The following ARID4B variants were observed in gnomAD, a reference collection of about 807,000 sequenced individuals.
The protein encoded by ARID4B is AT-rich interaction domain 4B.
Under a neutral mutation model 147.5 loss-of-function variants are expected in ARID4B, and 26 were observed. The ratio of observed to expected loss-of-function variants is 0.18; its 90% CI spans 0.13 to 0.24. The LOEUF is 0.24. Among genes scored for constraint, ARID4B ranks in the 10% least tolerant of loss-of-function variants. ARID4B has a pLI of 1.00. For missense variants in ARID4B, 1,179 were observed against 1,511.5 expected (o/e 0.78, Z 3.65); for synonymous variants, 512 against 507.9 (o/e 1.01, Z -0.11).
chr1:235,313,316 C>T (rs1674204781), intron 2 of ARID4B, among the ~76,000 whole-genome samples: 1 of 151,306 alleles, frequency 6.6e-6, no homozygotes, highest in Admixed American at 6.6e-5. Context: ...GGGCATGACC[C>T]ACCGTGCATG....
chr1:235,231,726 G>T (rs572817469), intron 9 of ARID4B, among the ~76,000 whole-genome samples: 1 of 152,264 alleles, frequency 6.6e-6, no homozygotes, highest in African/African-American at 2.4e-5. Context: ...AACCTCAACT[G>T]ATCCACCCAC....
At position 235,229,351 on chromosome 1, in the gene ARID4B, T is replaced by A; in HGVS notation, c.777A>T (p.Arg259Ser). The change falls in exon 11 of 24, where the codon AGA becomes AGT. Residue 259 changes from arginine to serine, a missense_variant. Physicochemically the swap from Arg to Ser is moderately radical, Grantham distance 110. Coordinates refer to ENST00000264183, the MANE Select transcript of ARID4B (RefSeq NM_016374.6). Reference sequence around the variant, plus strand: ...CAGTCTTCCAGTTAGCAGGAATAGTTCTACTTTTGTGAAATTCAAGTGCCT... The same window carrying A: ...CAGTCTTCCAGTTAGCAGGAATAGTACTACTTTTGTGAAATTCAAGTGCCT... The part of the protein sequence containing the change: ...FEQALEFHKS[R>S]TIPANWKTEL... The A allele has an allele frequency of 6.2e-7, 1 of 1,613,716 alleles. No individual in the cohort carries two copies. The highest frequency in any genetic ancestry group is 1.7e-5 in the Admixed American group (1 of 59,950).
intron 16 of ARID4B, among the ~76,000 whole-genome samples, chr1:235,217,451 C>G (rs1312187625): frequency 6.6e-6 from 1 of 152,100 alleles, no homozygotes; most frequent in East Asian, 1.9e-4. Context: ...TACATACATA[C>G]ATACATACAC....
chr1:235,298,212 T>C (rs1006607522), intron 2 of ARID4B, among the ~76,000 whole-genome samples: 6 of 152,078 alleles, frequency 3.9e-5, no homozygotes, highest in African/African-American at 1.2e-4. Context: ...TGGCAAAATA[T>C]TGGCAACTGG....
At position 235,213,006 on chromosome 1, in the gene ARID4B, A is replaced by G. The variant is rs370124526; in HGVS notation, c.1841+763T>C. On this transcript the variant is annotated intron_variant, in intron 17 of 23. Transcript: ENST00000264183. ...TCAAATATACTATCAAATATTCTAA[A>G]ATAAATGATTCTTAAAAGATAACTG... 9.7e-4 allele frequency among the ~76,000 whole-genome samples: 148 copies of G among 152,318 alleles called. 2 individuals are homozygous for G. In the South Asian group the frequency reaches 0.03, roughly 30 times the overall value.
chr1:235,270,418 C>T (rs1412862281), intron 2 of ARID4B, among the ~76,000 whole-genome samples: 1 of 152,084 alleles, frequency 6.6e-6, no homozygotes, highest in Non-Finnish European at 1.5e-5. Context: ...TACATGGCCC[C>T]ACTGTGTATC....
intron 2 of ARID4B, among the ~76,000 whole-genome samples, chr1:235,265,257 T>C (rs1170109343): frequency 6.8e-6 from 1 of 147,498 alleles, no homozygotes; most frequent in Non-Finnish European, 1.5e-5. Flanking sequence ...TCCCAGCTAC[T>C]CGGGAGGCTA....
At position 235,295,238 on chromosome 1, in the gene ARID4B, A is replaced by G. The variant is rs1040224546; in HGVS notation, c.6+31676T>C. Among the ~76,000 whole-genome samples, 40 of 152,184 alleles carry G rather than the reference A, an allele frequency of 2.6e-4. 1 individual carries two copies. Among genetic ancestry groups the G allele is most frequent in the Non-Finnish European group, 1.3e-4 (9 of 68,034 alleles). ...ATAAAAAATGATATAGGCCGGGCAT[A>G]GTGGCTCACGCCTGTAATCCCACCA... On this transcript the variant is annotated intron_variant, in intron 2 of 23. Transcript: ENST00000264183.
chr1:235,178,384 A>C (rs926207569), intron 20 of ARID4B, among the ~76,000 whole-genome samples: 1 of 152,168 alleles, frequency 6.6e-6, no homozygotes, highest in Non-Finnish European at 1.5e-5. Flanking sequence ...AGTAATTCAT[A>C]CTTGGTTCTT....
Position 235,220,354 on chromosome 1 carries a change from T to C in ARID4B, c.1355A>G (p.Glu452Gly), listed in dbSNP as rs1379589866. ...EEERNIIPRE[E>G]KPIEDEIERK... The stretch of plus-strand genomic sequence containing the variant: ...TTCAATTTCATCCTCAATAGGCTTT[T>C]CTTCTCTTGGTATTATATTCCTCTC... The change falls in exon 15 of 24, where the codon GAA becomes GGA. Residue 452 changes from glutamate to glycine, a missense_variant. Coordinates refer to ENST00000264183, the MANE Select transcript of ARID4B (RefSeq NM_016374.6). 6.2e-7 allele frequency: 1 copy of C among 1,609,784 alleles called. No homozygotes were observed. Among genetic ancestry groups the C allele is most frequent in the Non-Finnish European group, 8.5e-7 (1 of 1,177,226 alleles).
chr1:235,321,541 T>C (rs1463179281), intron 2 of ARID4B, among the ~76,000 whole-genome samples: 1 of 152,184 alleles, frequency 6.6e-6, no homozygotes, highest in Admixed American at 6.5e-5. Flanking sequence ...ACTCTTGCTC[T>C]GTCGCCCAGG....
At chr1:235,311,627 A>G (rs1410946274) in intron 2 of ARID4B, among the ~76,000 whole-genome samples, 1 of 151,968 alleles carries the variant, frequency 6.6e-6, no homozygotes, top group African/African-American at 2.4e-5. Context: ...TACAAAAATT[A>G]GCTGGGTGTG....
intron 6 of ARID4B, among the ~76,000 whole-genome samples, chr1:235,250,110 A>T (rs1283177396): frequency 6.6e-6 from 1 of 151,622 alleles, no homozygotes; most frequent in Non-Finnish European, 1.5e-5. Context: ...CCGTCTCAAA[A>T]AATAATAATA....
At chr1:235,228,555 T>C (rs903464907) in intron 11 of ARID4B, 1 of 151,720 alleles carries the variant, frequency 6.6e-6, no homozygotes, top group African/African-American at 2.4e-5. Context: ...GAGTTCAAGT[T>C]AGCCACCTGC....
chr1:235,173,275 T>G (rs1427188287), intron 22 of ARID4B, among the ~76,000 whole-genome samples: 9 of 151,936 alleles, frequency 5.9e-5, no homozygotes, highest in Non-Finnish European at 1.3e-4. Context: ...ATCTGGAAGG[T>G]GGAGGTTGGA....
At chr1:235,196,402 T>C (rs1352239626) in intron 17 of ARID4B, among the ~76,000 whole-genome samples, 1 of 152,210 alleles carries the variant, frequency 6.6e-6, no homozygotes, top group Non-Finnish European at 1.5e-5. Context: ...AAAGAGAAAC[T>C]GAATCTGTAC....
In ARID4B at chr1:235,276,961, T is replaced by G. The variant is rs150915812; in HGVS notation, c.7-16209A>C. Among the ~76,000 whole-genome samples the G allele has an allele frequency of 3.6e-5, 5 of 140,032 alleles. No homozygotes were observed. In the East Asian group the frequency reaches 8.4e-4, roughly 24 times the overall value. 91.9% of individuals were successfully genotyped at this position (140,032 alleles called of 152,430 possible). On this transcript the variant is annotated intron_variant, in intron 2 of 23. Transcript: ENST00000264183. ...ATTGCAGTGAGTCGAGATTGTGCAC[T>G]GCAATCAAGCCTAGGTGATGGAGCA...
intron 2 of ARID4B, among the ~76,000 whole-genome samples, chr1:235,311,323 G>A (rs1229517307): frequency 6.7e-6 from 1 of 150,224 alleles, no homozygotes; most frequent in Non-Finnish European, 1.5e-5. Context: ...GTGCACTCCA[G>A]CCTGGGTGAC....
chr1:235,287,786 A>C (rs557624950), intron 2 of ARID4B, among the ~76,000 whole-genome samples: 33 of 152,310 alleles, frequency 2.2e-4, no homozygotes, highest in African/African-American at 7.5e-4. Context: ...TTGCTTTATA[A>C]AACTATAAAA....
Sources: gnomAD v4.1 joint callset for allele counts (sites outside exome capture counted in the v4.1 genomes callset) on GRCh38, gnomAD v4.1.1 for gene constraint, MANE v1.5 for transcripts, NCBI Gene and HGNC (gene_info 2026-07-23, HGNC 2026-07-21) for gene names.